TDRD12: variants seen among roughly 807,000 people sequenced by gnomAD.
The protein encoded by TDRD12 is tudor domain containing 12.
TDRD12 carries 158 observed loss-of-function variants against 133.5 expected under a neutral mutation model. The ratio of observed to expected loss-of-function variants is 1.18; its 90% CI spans 1.04 to 1.35. The LOEUF (loss-of-function observed/expected upper bound fraction) is 1.35, where lower values mean the gene tolerates loss of function less well. Ranked by LOEUF, TDRD12 falls within the 40% of genes most tolerant of loss-of-function variation. The pLI, the probability that TDRD12 is intolerant of heterozygous loss-of-function variation, is 0.00. For synonymous variants in TDRD12, 460 were observed against 477.9 expected (o/e 0.96, Z 0.49); for missense variants, 1,443 against 1,321.3 (o/e 1.09, Z -1.43).
chr19:32,802,152 TATATATATA>T (rs1490251126), intron 19 of TDRD12, among the ~76,000 whole-genome samples: 3 of 138,106 alleles, frequency 2.2e-5, no homozygotes, highest in Admixed American at 7.1e-5. Context: ...TATATTATCA[TATATATATA>T]TGATAATATA....
chr19:32,720,057 C>T (rs1285902409), exon 1 of TDRD12: 4 of 1,548,306 alleles, frequency 2.6e-6, no homozygotes, highest in African/African-American at 1.4e-5. Context: ...CCCATCTGCC[C>T]TCGGGCGCCA....
rs1468730204 is a variant in TDRD12 at position 32,798,449 on chromosome 19, A to G, written c.1758+14A>G. On this transcript the variant is annotated intron_variant, in intron 16 of 27. Coordinates refer to ENST00000444215, the Ensembl canonical transcript of TDRD12. ...GCCAATGAACAGGTGAGCGTGGCTT[A>G]AGGTCCTCAGCACTCAGAAGAGAGG... 6.5e-7 allele frequency: 1 copy of G among 1,527,824 alleles called. No homozygotes were observed. Among genetic ancestry groups the G allele is most frequent in the South Asian group, 1.2e-5 (1 of 83,778 alleles). The allele number at this position is 1,527,824 out of a possible 1,614,324, so 94.6% of individuals were successfully genotyped here.
chr19:32,820,992 C>A (rs1967363988), intron 27 of TDRD12, 41 bp from the exon 28 acceptor site: 1 of 1,494,704 alleles, frequency 6.7e-7, no homozygotes, highest in Admixed American at 2.0e-5. Context: ...TGGGCAGTTC[C>A]TGTAGAGAGC....
At chr19:32,812,773 A>AG (rs2145733352) in intron 24 of TDRD12, among the ~76,000 whole-genome samples, 1 of 152,194 alleles carries the variant, frequency 6.6e-6, no homozygotes, top group East Asian at 1.9e-4. Context: ...ACCAAGTGCA[A>AG]GGGGGATGGA....
At chr19:32,777,060 A>AT in intron 10 of TDRD12, 89 bp from the exon 11 acceptor site, 3 of 851,812 alleles carry the variant, frequency 3.5e-6, no homozygotes, top group Admixed American at 5.9e-5. Flanking sequence ...GGCATTTTTT[A>AT]TTTTTTTATT....
At chr19:32,720,259 A>C (rs954097833) in intron 1 of TDRD12, among the ~76,000 whole-genome samples, 163 bp downstream of exon 1, 27 of 51,232 alleles carry the variant, frequency 5.3e-4, no homozygotes, top group Admixed American at 9.2e-4. Context: ...CACAGCCCCC[A>C]CCCCTCCCCC....
In TDRD12 at chr19:32,777,782, C is replaced by A. The variant is rs1344598183; in HGVS notation, c.1121+553C>A. 1.1e-4 allele frequency among the ~76,000 whole-genome samples: 13 copies of A among 115,480 alleles called. No individual in the cohort carries two copies. The Admixed American group carries it at 1.3e-3, about 12-fold the overall frequency. 75.8% of individuals were successfully genotyped at this position (115,480 alleles called of 152,430 possible). A position where few individuals can be genotyped will look rare whatever the true frequency, so the allele number is the denominator to read the frequency against. On this transcript the variant is annotated intron_variant, in intron 11 of 27. Coordinates refer to ENST00000444215, the Ensembl canonical transcript of TDRD12. ...ACCTCAGCCTCCCAAGTAGCTGGGA[C>A]CATAGGCATGCACCACCATAACTGA...
intron 12 of TDRD12, 45 bp from the exon 13 acceptor site, chr19:32,790,917 GAC>G: frequency 6.6e-7 from 1 of 1,517,358 alleles, no homozygotes; most frequent in Non-Finnish European, 8.8e-7. Flanking sequence ...CTCCTGTGCT[GAC>G]GCCTCAGGGC....
chr19:32,785,271 T>C (rs1071547), intron 11 of TDRD12, among the ~76,000 whole-genome samples: 1 of 152,262 alleles, frequency 6.6e-6, no homozygotes, highest in Non-Finnish European at 1.5e-5. Context: ...TGTGCGGTTT[T>C]GAGTGAGATT....
exon 24 of TDRD12, chr19:32,811,420 G>C (rs757284031): frequency 1.4e-5 from 22 of 1,535,896 alleles, no homozygotes. Context: ...GGAATCCGAA[G>C]GTGGGTGATT....
Position 32,801,874 on chromosome 19 carries a change from G to A in TDRD12, c.2197+1G>A, listed in dbSNP as rs1005977978. ...AGTTCTGGCTCTCAAATTATATTAG[G>A]TAAGTGTTTTAATTTCTACTTCTAT... On this transcript the variant is annotated splice_donor_variant, in intron 19 of 27. Coordinates refer to ENST00000444215, the Ensembl canonical transcript of TDRD12. LOFTEE classifies it high-confidence loss of function. The A allele has an allele frequency of 3.0e-5, 36 of 1,194,136 alleles. No homozygotes were observed. The highest frequency in any genetic ancestry group is 4.2e-5 in the Non-Finnish European group (36 of 865,884). The allele number at this position is 1,194,136 out of a possible 1,614,324, so 74.0% of individuals were successfully genotyped here.
chr19:32,807,447 G>A, intron 21 of TDRD12, 102 bp from the exon 22 acceptor site: 2 of 715,930 alleles, frequency 2.8e-6, no homozygotes, highest in Admixed American at 3.4e-5. Context: ...TGGAATAAAA[G>A]TTATCTGATT....
intron 3 of TDRD12, 117 bp from the exon 4 acceptor site, chr19:32,742,664 A>G (rs1969465922): frequency 8.8e-7 from 1 of 1,132,406 alleles, no homozygotes; most frequent in Non-Finnish European, 1.2e-6. Context: ...AACAGAAAGA[A>G]TTGTTTTTTG....
chr19:32,807,004 A>C (rs189005517), intron 21 of TDRD12, among the ~76,000 whole-genome samples: 9 of 152,210 alleles, frequency 5.9e-5, no homozygotes, highest in Non-Finnish European at 1.3e-4. Context: ...CTATTTCTCA[A>C]CGTGGAAGCA....
intron 2 of TDRD12, among the ~76,000 whole-genome samples, chr19:32,732,715 A>G (rs1969096562): frequency 6.6e-6 from 1 of 152,242 alleles, no homozygotes; most frequent in African/African-American, 2.4e-5. Flanking sequence ...TAAACTCTTT[A>G]TGAGAAAAAG....
intron 10 of TDRD12, among the ~76,000 whole-genome samples, 176 bp downstream of exon 10, chr19:32,773,708 A>AATC (rs1970501645): frequency 6.6e-6 from 1 of 152,170 alleles, no homozygotes; most frequent in Admixed American, 6.5e-5. Context: ...CTAAAATAAT[A>AATC]ATAATAATAA....
At chr19:32,800,686 C>T (rs1971361760) in exon 18 of TDRD12, 1 of 1,535,614 alleles carries the variant, frequency 6.5e-7, no homozygotes, top group South Asian at 1.2e-5. Flanking sequence ...TTCTTCTTTA[C>T]TCCAAGCTCT....
At position 32,747,653 on chromosome 19, in the gene TDRD12, CAG is replaced by C. The variant is rs574933583; in HGVS notation, c.441-822_441-821del. On this transcript the variant is annotated intron_variant, in intron 4 of 27. Transcript: ENST00000444215. ...GAAAGATGTAGAAAGGACAAGATGA[CAG>C]GGGTAAAATGGGAGCCAGTGAGAGG... 3.5e-4 allele frequency among the ~76,000 whole-genome samples: 53 copies of C among 152,144 alleles called. 1 individual carries two copies. In the South Asian group the frequency reaches 7.7e-3, roughly 22 times the overall value.
intron 4 of TDRD12, among the ~76,000 whole-genome samples, chr19:32,744,585 G>A (rs1476533689): frequency 6.8e-6 from 1 of 146,446 alleles, no homozygotes; most frequent in Non-Finnish European, 1.5e-5. Context: ...ATATATACGT[G>A]TGCCCCGCAC....
Sources: gnomAD v4.1 joint callset for allele counts (sites outside exome capture counted in the v4.1 genomes callset) on GRCh38, gnomAD v4.1.1 for gene constraint, MANE v1.5 for transcripts, NCBI Gene and HGNC (gene_info 2026-07-23, HGNC 2026-07-21) for gene names.